Variants in NTN1 observed in about 807,000 individuals in gnomAD.
The protein encoded by NTN1 is netrin 1, also known as netrin-1.
Under a neutral mutation model 54.2 loss-of-function variants are expected in NTN1, and 11 were observed. The ratio of observed to expected loss-of-function variants is 0.20; its 90% CI spans 0.13 to 0.34. The LOEUF (loss-of-function observed/expected upper bound fraction) is 0.34. Ranked by LOEUF, NTN1 falls within the 10% of genes least tolerant of loss-of-function variation. The pLI, the probability that NTN1 is intolerant of heterozygous loss-of-function variation, is 1.00. For synonymous variants in NTN1, 371 were observed against 382.0 expected, an observed-to-expected ratio of 0.97 and a Z score of 0.33; for missense variants, 740 against 893.1, an observed-to-expected ratio of 0.83 and a Z score of 2.18.
At chr17:9,195,114 C>A (rs1904590284) in intron 5 of NTN1, among the ~76,000 whole-genome samples, 1 of 152,172 alleles carries the variant, frequency 6.6e-6, no homozygotes, top group South Asian at 2.1e-4. Flanking sequence ...TCCTTTTCCC[C>A]TCTTTCTCCT....
chr17:9,203,573 C>G (rs1904874362), intron 5 of NTN1, among the ~76,000 whole-genome samples: 1 of 151,936 alleles, frequency 6.6e-6, no homozygotes, highest in Admixed American at 6.6e-5. Flanking sequence ...CTGGGGCGGG[C>G]AGATCACTTG....
intron 5 of NTN1, among the ~76,000 whole-genome samples, chr17:9,207,502 T>C (rs1904996742): frequency 6.6e-6 from 1 of 152,190 alleles, no homozygotes; most frequent in Admixed American, 6.5e-5. Context: ...CCCCGCTTAA[T>C]AAATGAGGAA....
upstream of NTN1, among the ~76,000 whole-genome samples, chr17:9,021,338 G>T (rs1163425384): frequency 6.6e-6 from 1 of 151,288 alleles, no homozygotes; most frequent in Non-Finnish European, 1.5e-5. Flanking sequence ...CGGGCTCCCG[G>T]GTTCCCACCC....
intron 2 of NTN1, among the ~76,000 whole-genome samples, chr17:9,104,565 CG>C (rs1384585635): frequency 6.6e-6 from 1 of 152,152 alleles, no homozygotes; most frequent in Non-Finnish European, 1.5e-5. Flanking sequence ...AAGGACCCAG[CG>C]TGACCTTGGA....
At chr17:9,011,880 G>A in the NTN1 span, among the ~76,000 whole-genome samples, 4 of 152,134 alleles carry the variant, frequency 2.6e-5, no homozygotes, top group Admixed American at 1.3e-4. Context: ...GAGACACTGC[G>A]CCTGGCCCTG....
intron 2 of NTN1, among the ~76,000 whole-genome samples, chr17:9,037,872 T>TG: frequency 6.6e-6 from 1 of 152,316 alleles, no homozygotes; most frequent in African/African-American, 2.4e-5. Flanking sequence ...GGTAACTGCC[T>TG]GTGTGTTAGT....
In NTN1 at chr17:9,086,354, A is replaced by AAAAC. The variant is rs549391108; in HGVS notation, c.1018+62973_1018+62976dup. ...GACCCTCATCTCTAAAAATAAAAAT[A>AAAAC]AAACAAACAAACATTGAGATCATTC... On this transcript the variant is annotated intron_variant, in intron 2 of 6. Coordinates refer to ENST00000173229, the MANE Select transcript of NTN1 (RefSeq NM_004822.3). Among the ~76,000 whole-genome samples, 241 of 152,306 alleles carry AAAAC rather than the reference A, an allele frequency of 1.6e-3. 2 individuals carry two copies. The highest frequency in any genetic ancestry group is 1.8e-3 in the Non-Finnish European group (120 of 68,036).
At chr17:9,190,852 G>GA (rs879564741) in intron 5 of NTN1, among the ~76,000 whole-genome samples, 379 of 143,836 alleles carry the variant, frequency 2.6e-3, no homozygotes, top group African/African-American at 4.9e-3. Flanking sequence ...ACTGTGTCTG[G>GA]AAAAAAAAAA....
chr17:9,019,154 G>A (rs188108980), upstream of NTN1, among the ~76,000 whole-genome samples: 6 of 152,162 alleles, frequency 3.9e-5, no homozygotes, highest in East Asian at 3.9e-4. Context: ...TCCTCCTCTC[G>A]ACTTTGTCTC....
chr17:9,112,074 C>T (rs1030701431), intron 2 of NTN1, among the ~76,000 whole-genome samples: 1 of 152,318 alleles, frequency 6.6e-6, no homozygotes, highest in Middle Eastern at 3.4e-3. Flanking sequence ...AAGGAAGATG[C>T]CTCTTGGGTG....
intron 5 of NTN1, among the ~76,000 whole-genome samples, chr17:9,185,577 C>T (rs370017405): frequency 2.0e-5 from 3 of 151,466 alleles, no homozygotes; most frequent in South Asian, 2.1e-4. Flanking sequence ...AGGTGAGGAA[C>T]GTAGTGTCTG....
At position 9,229,080 on chromosome 17, in the gene NTN1, CTGTGTGTGTGACTG is replaced by C. The variant is rs1905712369; in HGVS notation, c.1486+7839_1486+7852del. On this transcript the variant is annotated intron_variant, in intron 6 of 6. Coordinates refer to ENST00000173229, the MANE Select transcript of NTN1 (RefSeq NM_004822.3). ...TATGCGTGTGTGATTGTGTTTGTGA[CTGTGTGTGTGACTG>C]AGACTGTGACTGTGAGTGTGTGACT... is the stretch of plus-strand genomic sequence containing the variant. Among the ~76,000 whole-genome samples the C allele has an allele frequency of 4.7e-5, 7 of 149,682 alleles. No individual in the cohort carries two copies. In the South Asian group the frequency reaches 1.3e-3, roughly 27 times the overall value.
At chr17:9,198,832 C>G (rs573358271) in intron 5 of NTN1, among the ~76,000 whole-genome samples, 1 of 152,172 alleles carries the variant, frequency 6.6e-6, no homozygotes, top group Non-Finnish European at 1.5e-5. Flanking sequence ...GTAGACCTCC[C>G]AGAGAGACTT....
intron 6 of NTN1, among the ~76,000 whole-genome samples, chr17:9,230,682 G>GT (rs1905779755): frequency 1.3e-5 from 2 of 152,076 alleles, no homozygotes; most frequent in Admixed American, 1.3e-4. Context: ...AGGCTCTGGG[G>GT]GGATGCGGCC....
At chr17:9,234,656 A>G (rs983755928) in intron 6 of NTN1, among the ~76,000 whole-genome samples, 1 of 152,220 alleles carries the variant, frequency 6.6e-6, no homozygotes, top group African/African-American at 2.4e-5. Context: ...GCCCCCTGGG[A>G]AGAGCGTACC....
chr17:9,146,077 G>C (rs1051100403), intron 2 of NTN1, among the ~76,000 whole-genome samples: 1 of 152,278 alleles, frequency 6.6e-6, no homozygotes, highest in African/African-American at 2.4e-5. Flanking sequence ...GGAGACCCCT[G>C]CGAGGCCCTT....
intron 5 of NTN1, among the ~76,000 whole-genome samples, chr17:9,220,089 C>G (rs1002143368): frequency 6.6e-6 from 1 of 152,242 alleles, no homozygotes; most frequent in Admixed American, 6.5e-5. Context: ...CTCACCTCTG[C>G]TCACACTGAG....
At chr17:9,067,624 G>A (rs935528828) in intron 2 of NTN1, among the ~76,000 whole-genome samples, 4 of 152,160 alleles carry the variant, frequency 2.6e-5, no homozygotes, top group African/African-American at 7.2e-5. Flanking sequence ...TCCTTTACGT[G>A]GAATTTGAGG....
intron 2 of NTN1, among the ~76,000 whole-genome samples, chr17:9,141,078 T>G (rs1019924272): frequency 2.0e-5 from 3 of 151,616 alleles, no homozygotes; most frequent in African/African-American, 7.3e-5. Context: ...TAGACACCAT[T>G]AAGTTTGAAG....
Sources: allele counts gnomAD v4.1 joint callset (sites outside exome capture counted in the v4.1 genomes callset), GRCh38; gene constraint gnomAD v4.1.1; transcripts MANE v1.5; gene names NCBI Gene and HGNC (gene_info 2026-07-23, HGNC 2026-07-21).